Variants in NCALD observed in about 807,000 individuals in gnomAD.
NCALD encodes neurocalcin delta, also known as neurocalcin-delta.
NCALD carries 10 observed loss-of-function variants against 18.6 expected under a neutral mutation model. The ratio of observed to expected loss-of-function variants is 0.54; its 90% CI spans 0.33 to 0.91. The LOEUF (loss-of-function observed/expected upper bound fraction) is 0.91. Among genes scored for constraint, NCALD ranks in the 40% least tolerant of loss-of-function variants. The pLI is 0.03. For synonymous variants in NCALD, 88 were observed against 87.4 expected (o/e 1.01, Z -0.04); for missense variants, 184 against 247.6 (o/e 0.74, Z 1.72).
chr8:101,732,589 GCTTTTTTTTT>G, intron 1 of NCALD, among the ~76,000 whole-genome samples: 1 of 66,974 alleles, frequency 1.5e-5, no homozygotes, highest in African/African-American at 5.5e-5. Context: ...CTTTTTCTTT[GCTTTTTTTTT>G]TTTTTTTTTT....
chr8:101,705,004 T>C (rs1054605628), intron 2 of NCALD, among the ~76,000 whole-genome samples: 5 of 151,322 alleles, frequency 3.3e-5, no homozygotes, highest in Non-Finnish European at 1.5e-5. Context: ...GGTGGGCGGA[T>C]CACAAGGTTA....
chr8:102,003,237 G>A (rs1052665282), intron 2 of NCALD, among the ~76,000 whole-genome samples: 23 of 152,154 alleles, frequency 1.5e-4, no homozygotes, highest in Non-Finnish European at 2.1e-4. Context: ...TACCATCAGA[G>A]AATACTATAA....
intron 3 of NCALD, among the ~76,000 whole-genome samples, chr8:101,901,991 A>T (rs1240075013): frequency 6.6e-6 from 1 of 152,104 alleles, no homozygotes; most frequent in African/African-American, 2.4e-5. Flanking sequence ...GGGTTTCACC[A>T]TATTGGCCAG....
chr8:101,926,993 C>G (rs752759384), intron 2 of NCALD, among the ~76,000 whole-genome samples: 3 of 152,178 alleles, frequency 2.0e-5, no homozygotes, highest in Non-Finnish European at 4.4e-5. Flanking sequence ...CAAGTGGCCC[C>G]AGAGTCTCTC....
chr8:101,876,861 C>T (rs1304961278), intron 4 of NCALD, among the ~76,000 whole-genome samples: 1 of 152,118 alleles, frequency 6.6e-6, no homozygotes, highest in Non-Finnish European at 1.5e-5. Flanking sequence ...ATTTTGATAC[C>T]AATGAGACGT....
At chr8:101,909,044 A>G (rs1817702205) in intron 3 of NCALD, among the ~76,000 whole-genome samples, 1 of 152,084 alleles carries the variant, frequency 6.6e-6, no homozygotes, top group African/African-American at 2.4e-5. Flanking sequence ...CTCTGTTTTA[A>G]CTCTATAAGG....
chr8:101,912,831 C>G (rs1245484937), intron 3 of NCALD, among the ~76,000 whole-genome samples: 2 of 152,196 alleles, frequency 1.3e-5, no homozygotes, highest in African/African-American at 2.4e-5. Flanking sequence ...AAAGCCAATG[C>G]CTTCATTGAA....
chr8:102,120,987 T>C (rs894595541), intron 1 of NCALD, among the ~76,000 whole-genome samples: 10 of 152,212 alleles, frequency 6.6e-5, no homozygotes, highest in African/African-American at 2.2e-4. Context: ...TCCCATTCCC[T>C]AGCAGACAGA....
At chr8:102,074,067 C>G (rs1354912873) in intron 1 of NCALD, among the ~76,000 whole-genome samples, 3 of 152,170 alleles carry the variant, frequency 2.0e-5, no homozygotes, top group Non-Finnish European at 2.9e-5. Flanking sequence ...GTTCCTACCA[C>G]CCACTGTGCT....
At chr8:102,123,314 G>A (rs117770418) in intron 1 of NCALD, among the ~76,000 whole-genome samples, 3 of 152,176 alleles carry the variant, frequency 2.0e-5, no homozygotes, top group Non-Finnish European at 4.4e-5. Context: ...TGCGGGGCTA[G>A]CGTGTAAGCA....
chr8:101,722,645 G>A (rs568264156), intron 1 of NCALD, among the ~76,000 whole-genome samples: 19 of 152,290 alleles, frequency 1.2e-4, no homozygotes, highest in Non-Finnish European at 2.4e-4. Context: ...CCAAACTTAA[G>A]TGCCTTTCCC....
At chr8:101,813,039 C>CT (rs1319292334) in intron 4 of NCALD, among the ~76,000 whole-genome samples, 2 of 152,092 alleles carry the variant, frequency 1.3e-5, no homozygotes, top group African/African-American at 4.8e-5. Context: ...TGGGTGCTTT[C>CT]TGTGTGGCAG....
At chr8:101,881,372 A>G (rs1427525237) in intron 4 of NCALD, among the ~76,000 whole-genome samples, 1 of 152,190 alleles carries the variant, frequency 6.6e-6, no homozygotes, top group Non-Finnish European at 1.5e-5. Context: ...CATTCTTCCC[A>G]TTTTCAGGAA....
intron 4 of NCALD, among the ~76,000 whole-genome samples, chr8:101,813,717 C>G (rs554800740): frequency 6.6e-6 from 1 of 152,134 alleles, no homozygotes; most frequent in East Asian, 1.9e-4. Context: ...ACATCATCAC[C>G]CTCAGAAAAT....
At chr8:102,047,628 G>A (rs1823293799) in intron 1 of NCALD, among the ~76,000 whole-genome samples, 2 of 152,170 alleles carry the variant, frequency 1.3e-5, no homozygotes, top group African/African-American at 4.8e-5. Context: ...ACATGCTAAC[G>A]ATCCTGGTGA....
At chr8:101,965,461 G>C (rs570783543) in intron 2 of NCALD, among the ~76,000 whole-genome samples, 6 of 152,286 alleles carry the variant, frequency 3.9e-5, no homozygotes, top group African/African-American at 1.4e-4. Context: ...CATGTACTTT[G>C]CAGGGACATG....
At chr8:101,736,676 C>T (rs1809932666) in intron 1 of NCALD, among the ~76,000 whole-genome samples, 1 of 152,062 alleles carries the variant, frequency 6.6e-6, no homozygotes, top group African/African-American at 2.4e-5. Context: ...TAAAGAGACT[C>T]CAAAGAGGTA....
At chr8:101,990,017 T>A (rs1053526752) in intron 2 of NCALD, among the ~76,000 whole-genome samples, 1 of 152,188 alleles carries the variant, frequency 6.6e-6, no homozygotes, top group African/African-American at 2.4e-5. Flanking sequence ...GATAGTGCTT[T>A]TATTGAGAGC....
At chr8:101,891,810 T>TA (rs1221448956) in intron 3 of NCALD, among the ~76,000 whole-genome samples, 2 of 152,154 alleles carry the variant, frequency 1.3e-5, no homozygotes, top group Non-Finnish European at 2.9e-5. Context: ...CAGACCAGCT[T>TA]AAAAAACGGA....
Sources: gnomAD v4.1 joint callset for allele counts (sites outside exome capture counted in the v4.1 genomes callset) on GRCh38, gnomAD v4.1.1 for gene constraint, MANE v1.5 for transcripts, NCBI Gene and HGNC (gene_info 2026-07-23, HGNC 2026-07-21) for gene names.